HDAC4: variants seen among roughly 807,000 people sequenced by gnomAD.
The protein encoded by HDAC4 is histone deacetylase A.
In HDAC4, 16 loss-of-function variants were observed where a neutral mutation model predicts 135.1. The ratio of observed to expected loss-of-function variants is 0.12; its 90% confidence interval spans 0.08 to 0.18. HDAC4 has a LOEUF of 0.18. Ranked by LOEUF, HDAC4 falls within the 10% of genes least tolerant of loss-of-function variation. HDAC4 has a pLI of 1.00. For synonymous variants in HDAC4, 685 were observed against 653.4 expected, an observed-to-expected ratio of 1.05 and a Z score of -0.74; for missense variants, 1,143 against 1,511.8, an observed-to-expected ratio of 0.76 and a Z score of 4.05.
rs1322321114 is a variant in HDAC4, at chr2:239,299,419, C to G, written c.22+53259G>C. ...AATCCCAATAAAATGCTGACATGGG[C>G]TAATCTCAAGCAGATATTCTGATCC... On this transcript the variant is annotated intron_variant, in intron 2 of 26. Coordinates refer to ENST00000543185, the MANE Select transcript of HDAC4 (RefSeq NM_001378414.1). This position sits in a 1 kb window ranked among gnomAD's most constrained non-coding sequence, Gnocchi z 4.0. Among the ~76,000 whole-genome samples the G allele has an allele frequency of 6.6e-6, 1 of 152,170 alleles. No homozygotes were observed. Among genetic ancestry groups the G allele is most frequent in the East Asian group, 1.9e-4 (1 of 5,186 alleles).
chr2:239,053,438 G>C lies in HDAC4; in HGVS notation c.3230+22C>G, dbSNP rs201823646. On this transcript the variant is annotated intron_variant, in intron 26 of 26. Coordinates refer to ENST00000543185, the MANE Select transcript of HDAC4 (RefSeq NM_001378414.1). The stretch of plus-strand genomic sequence containing the variant: ...AGTGGGGCTGGGTGAGCCTGCAGGC[G>C]GGCGGCAGGGCAGGTGCTCACCTCT... 3.2e-5 allele frequency: 52 copies of C among 1,609,262 alleles called. No individual in the cohort carries two copies. In the South Asian group the frequency reaches 5.6e-4, roughly 17 times the overall value.
chr2:239,279,200 G>GT (rs1272062407), intron 2 of HDAC4, among the ~76,000 whole-genome samples: 1 of 152,170 alleles, frequency 6.6e-6, no homozygotes, highest in Non-Finnish European at 1.5e-5. Flanking sequence ...CTGATTTGCT[G>GT]TTTCTCCCAG....
intron 15 of HDAC4, among the ~76,000 whole-genome samples, chr2:239,103,424 A>G (rs1430064993): frequency 6.6e-6 from 1 of 152,236 alleles, no homozygotes; most frequent in Non-Finnish European, 1.5e-5. Flanking sequence ...AATTCTTCAG[A>G]TTGAGATCCC....
Position 239,081,118 on chromosome 2 carries a change from G to T in HDAC4, c.2727C>A (p.Asp909Glu), listed in dbSNP as rs145313430. 1.9e-6 allele frequency: 3 copies of T among 1,613,884 alleles called. No homozygotes were observed. The South Asian group carries it at 3.3e-5, about 18-fold the overall frequency. ...FTGGLDPPMG[D>E]AEYLAAFRTV... ...ACCTGAAGGCCGCCAAGTACTCAGC[G>T]TCTCCCATGGGGGGGTCCAGGCCGC... The change falls in exon 22 of 27, where the codon GAC becomes GAA. Residue 909 changes from aspartate to glutamate, a missense_variant. By Grantham distance (45) the Asp-to-Glu change is conservative. Coordinates refer to ENST00000543185, the MANE Select transcript of HDAC4 (RefSeq NM_001378414.1).
chr2:239,236,735 C>G, intron 2 of HDAC4, 71 bp from the exon 3 acceptor site: 1 of 1,128,086 alleles, frequency 8.9e-7, no homozygotes, highest in Non-Finnish European at 1.3e-6. Flanking sequence ...TGCTGGGAGT[C>G]TGCAGGGAGT....
At chr2:239,378,883 C>A (rs1453880009) in intron 1 of HDAC4, among the ~76,000 whole-genome samples, 1 of 152,236 alleles carries the variant, frequency 6.6e-6, no homozygotes, top group Non-Finnish European at 1.5e-5. Context: ...AGAGGACACA[C>A]CAGGCCTCCT....
At chr2:239,298,412 G>A (rs1002265170) in intron 2 of HDAC4, 2 of 1,171,202 alleles carry the variant, frequency 1.7e-6, no homozygotes, top group African/African-American at 3.2e-5. Flanking sequence ...GGGAAACAGG[G>A]TATCCTGAAG....
At chr2:239,282,481 C>G (rs549703914) in intron 2 of HDAC4, among the ~76,000 whole-genome samples, 31 of 149,662 alleles carry the variant, frequency 2.1e-4, no homozygotes, top group African/African-American at 7.6e-4. Flanking sequence ...ACACACCACT[C>G]TACACACAAT....
chr2:239,260,668 C>G (rs1438537487), intron 2 of HDAC4, among the ~76,000 whole-genome samples: 1 of 152,208 alleles, frequency 6.6e-6, no homozygotes, highest in Non-Finnish European at 1.5e-5. Context: ...GCCTCCGGCT[C>G]TGCTCCTGCA....
intron 25 of HDAC4, among the ~76,000 whole-genome samples, chr2:239,054,532 C>G (rs1000447929): frequency 6.6e-6 from 1 of 152,160 alleles, no homozygotes; most frequent in Admixed American, 6.5e-5. Flanking sequence ...CTGATGGAAC[C>G]ATCCCAGCAG....
chr2:239,132,243 G>A (rs1372031935), intron 11 of HDAC4, among the ~76,000 whole-genome samples: 2 of 152,208 alleles, frequency 1.3e-5, no homozygotes, highest in Non-Finnish European at 2.9e-5. Flanking sequence ...TTCCTAGATG[G>A]GAAAACAAGG....
chr2:239,153,712 C>G (rs995443002), intron 7 of HDAC4, among the ~76,000 whole-genome samples: 1 of 152,216 alleles, frequency 6.6e-6, no homozygotes, highest in African/African-American at 2.4e-5. Flanking sequence ...AAACAGAATT[C>G]TCTCTTCCGT....
At position 239,115,041 on chromosome 2, in the gene HDAC4, G is replaced by A. The variant is rs571102778; in HGVS notation, c.1791+12C>T. Reference sequence around the variant, plus strand: ...GTGCCAGCCTTCTGGTGCCCTCCCCGCCTGCGGTCACCTGTCTGAAGAGCA... The same window carrying A: ...GTGCCAGCCTTCTGGTGCCCTCCCCACCTGCGGTCACCTGTCTGAAGAGCA... On this transcript the variant is annotated intron_variant, in intron 13 of 26. Coordinates refer to ENST00000543185, the MANE Select transcript of HDAC4 (RefSeq NM_001378414.1). The surrounding 1 kb of genome is among the most constrained non-coding windows in gnomAD (Gnocchi z 6.3). The A allele has an allele frequency of 1.1e-5, 17 of 1,608,474 alleles. No homozygotes were observed. Among genetic ancestry groups the A allele is most frequent in the East Asian group, 4.5e-5 (2 of 44,866 alleles).
intron 2 of HDAC4, among the ~76,000 whole-genome samples, chr2:239,329,056 C>T (rs1327457015): frequency 6.6e-6 from 1 of 152,238 alleles, no homozygotes; most frequent in Admixed American, 6.5e-5. Flanking sequence ...AGCAGCACAC[C>T]CAGGACCCAC....
chr2:239,175,519 AG>A (rs2043707217), intron 5 of HDAC4, among the ~76,000 whole-genome samples: 1 of 152,228 alleles, frequency 6.6e-6, no homozygotes, highest in African/African-American at 2.4e-5. Context: ...TCTCCTGGAT[AG>A]TATGAAGTGT....
At chr2:239,198,405 G>A (rs11693500) in intron 3 of HDAC4, among the ~76,000 whole-genome samples, 38,128 of 152,022 alleles carry the variant, frequency 0.25, 4,813 homozygotes, top group Middle Eastern at 0.27. Context: ...CACGAGAGGC[G>A]CCTCTCCATC....
At chr2:239,267,956 A>G (rs1425709105) in intron 2 of HDAC4, among the ~76,000 whole-genome samples, 1 of 152,252 alleles carries the variant, frequency 6.6e-6, no homozygotes, top group Admixed American at 6.5e-5. Context: ...AAAAAGACAA[A>G]TATCAAGCAC....
At chr2:239,281,479 A>C (rs1411145910) in intron 2 of HDAC4, among the ~76,000 whole-genome samples, 1 of 144,382 alleles carries the variant, frequency 6.9e-6, no homozygotes, top group East Asian at 2.1e-4. Flanking sequence ...TACAATGTAC[A>C]CACCACTCTA....
intron 13 of HDAC4, among the ~76,000 whole-genome samples, chr2:239,113,948 A>G (rs1184632528): frequency 6.6e-6 from 1 of 152,190 alleles, no homozygotes; most frequent in East Asian, 1.9e-4. Context: ...AAGAAGGAGA[A>G]ATAGCACCCA....
Sources: allele counts gnomAD v4.1 joint callset (sites outside exome capture counted in the v4.1 genomes callset), GRCh38; gene constraint gnomAD v4.1.1; non-coding constraint Gnocchi (gnomAD v3.1); transcripts MANE v1.5; gene names NCBI Gene and HGNC (gene_info 2026-07-23, HGNC 2026-07-21).